The following RHOBTB3 variants were observed in gnomAD, a reference collection of about 807,000 sequenced individuals.
The protein encoded by RHOBTB3 is Rho related BTB domain containing 3.
In RHOBTB3, 47 loss-of-function variants were observed where a neutral mutation model predicts 67.2. The observed-to-expected ratio is 0.70, with a 90% CI of 0.55 to 0.89. The LOEUF is 0.89. Among genes scored for constraint, RHOBTB3 ranks in the 40% least tolerant of loss-of-function variants. RHOBTB3 has a pLI of 0.00. For synonymous variants in RHOBTB3, 273 were observed against 274.2 expected (o/e 1.00, Z 0.04); for missense variants, 631 against 750.0 (o/e 0.84, Z 1.85).
chr5:95,735,957 G>C (rs542488018), intron 2 of RHOBTB3, among the ~76,000 whole-genome samples: 1 of 152,236 alleles, frequency 6.6e-6, no homozygotes, highest in East Asian at 1.9e-4. Flanking sequence ...AAAAAAATTA[G>C]CCGGAATGGT....
intron 11 of RHOBTB3, among the ~76,000 whole-genome samples, chr5:95,791,034 C>A (rs889254094): frequency 6.6e-6 from 1 of 152,226 alleles, no homozygotes; most frequent in Non-Finnish European, 1.5e-5. Context: ...CAGTGCTTTA[C>A]ACCTGGCCCA....
chr5:95,757,524 AG>A (rs1168164814), intron 6 of RHOBTB3, among the ~76,000 whole-genome samples: 6 of 152,248 alleles, frequency 3.9e-5, no homozygotes, highest in African/African-American at 1.4e-4. Flanking sequence ...CATTTCATAC[AG>A]GTAGGGAAAT....
chr5:95,777,856 C>T (rs1009531762), intron 8 of RHOBTB3, among the ~76,000 whole-genome samples: 1 of 152,154 alleles, frequency 6.6e-6, no homozygotes, highest in Non-Finnish European at 1.5e-5. Flanking sequence ...GTGGCTCACG[C>T]CTGTAATGCC....
intron 1 of RHOBTB3, among the ~76,000 whole-genome samples, chr5:95,717,924 G>A (rs1754730754): frequency 6.6e-6 from 1 of 152,172 alleles, no homozygotes; most frequent in African/African-American, 2.4e-5. Flanking sequence ...ATACATTTAT[G>A]TTTTATGCCT....
chr5:95,731,104 G>A (rs983330535), upstream of RHOBTB3: 87 of 1,106,992 alleles, frequency 7.9e-5, 2 homozygotes, highest in Non-Finnish European at 4.7e-5. Flanking sequence ...GGAGCTCTCG[G>A]GCTGGGGCGT....
Position 95,731,620 on chromosome 5 carries a change from C to T in RHOBTB3, c.-63C>T. On this transcript the variant is annotated 5_prime_UTR_variant, in exon 1 of 12. Transcript: ENST00000379982. Reference sequence around the variant, plus strand: ...TGCGGGTGAACTCGCCGCCCGGGGGCCCCGCGAAGCCGTGAGCCGCTGCTT... The same window carrying T: ...TGCGGGTGAACTCGCCGCCCGGGGGTCCCGCGAAGCCGTGAGCCGCTGCTT... 3.7e-6 allele frequency: 6 copies of T among 1,606,068 alleles called. No individual in the cohort carries two copies. Among genetic ancestry groups the T allele is most frequent in the Non-Finnish European group, 8.5e-7 (1 of 1,176,918 alleles).
Position 95,793,218 on chromosome 5 carries a change from G to A in RHOBTB3, c.*44G>A, listed in dbSNP as rs374326541. The A allele has an allele frequency of 7.8e-7, 1 of 1,276,822 alleles. No individual in the cohort carries two copies. The highest frequency in any genetic ancestry group is 1.1e-6 in the Non-Finnish European group (1 of 898,180). 79.1% of individuals were successfully genotyped at this position (1,276,822 alleles called of 1,614,324 possible). ...TACATTTCTTTTTTATTATTATGAA[G>A]AATGGGATACCTCCAGGTTCCAGTA... On this transcript the variant is annotated 3_prime_UTR_variant, in exon 12 of 12. Coordinates refer to ENST00000379982, the MANE Select transcript of RHOBTB3 (RefSeq NM_014899.4).
intron 4 of RHOBTB3, among the ~76,000 whole-genome samples, chr5:95,750,351 C>T (rs913318130): frequency 6.6e-6 from 1 of 152,242 alleles, no homozygotes; most frequent in Non-Finnish European, 1.5e-5. Flanking sequence ...TTGTGCCCAC[C>T]TGGAGCTGGT....
intron 3 of RHOBTB3, among the ~76,000 whole-genome samples, chr5:95,741,502 C>CT (rs5869688): frequency 0.43 from 53,708 of 124,904 alleles, 11,408 homozygotes; most frequent in East Asian, 0.71. Flanking sequence ...TCTCAATTCT[C>CT]TTTTTTTTTT....
At chr5:95,751,348 C>T (rs1745083635) in intron 4 of RHOBTB3, 1 of 151,828 alleles carries the variant, frequency 6.6e-6, no homozygotes, top group South Asian at 2.1e-4. Flanking sequence ...AAGAGAGTAG[C>T]TGCGTGGGAT....
At chr5:95,787,703 A>T (rs1746263998) in intron 10 of RHOBTB3, among the ~76,000 whole-genome samples, 1 of 152,260 alleles carries the variant, frequency 6.6e-6, no homozygotes, top group Admixed American at 6.5e-5. Flanking sequence ...ATCTGCTACA[A>T]CATGGATGAA....
At chr5:95,725,069 C>A (rs1373922328) in intron 1 of RHOBTB3, among the ~76,000 whole-genome samples, 1 of 151,870 alleles carries the variant, frequency 6.6e-6, no homozygotes, top group Non-Finnish European at 1.5e-5. Context: ...ACCTAGCACA[C>A]CCACAAATAT....
chr5:95,724,436 A>T (rs1019075853), intron 1 of RHOBTB3, among the ~76,000 whole-genome samples: 1 of 152,244 alleles, frequency 6.6e-6, no homozygotes, highest in African/African-American at 2.4e-5. Flanking sequence ...GGAGTTAGAA[A>T]ATTCTATAAG....
rs541137250 is a variant in RHOBTB3 at position 95,744,014 on chromosome 5, C to T, written c.416-4319C>T. On this transcript the variant is annotated intron_variant, in intron 3 of 11. Transcript: ENST00000379982. ...ATGAGACAATGCACCTGGCCCCTCT[C>T]CCCCTTCCTTCTTTCCTTCCTTCCT... Among the ~76,000 whole-genome samples the T allele has an allele frequency of 6.0e-5, 9 of 150,376 alleles. No individual in the cohort carries two copies. In the South Asian group the frequency reaches 1.7e-3, roughly 29 times the overall value.
Position 95,737,065 on chromosome 5 carries a change from C to A in RHOBTB3, c.405C>A (p.Thr135=). The A allele has an allele frequency of 6.4e-7, 1 of 1,571,478 alleles. No homozygotes were observed. The highest frequency in any genetic ancestry group is 8.7e-7 in the Non-Finnish European group (1 of 1,145,090). The stretch of plus-strand genomic sequence containing the variant: ...CAGTAATTATTGCTGCTGTTGGTAC[C>A]AGACAAAATGGTAAGTATTTAATAT... ...SVPVIIAAVG[T]RQNEELPCTC... The change falls in exon 3 of 12, where the codon ACC becomes ACA. Residue 135 remains threonine, a synonymous_variant. Coordinates refer to ENST00000379982, the MANE Select transcript of RHOBTB3 (RefSeq NM_014899.4).
intron 10 of RHOBTB3, among the ~76,000 whole-genome samples, chr5:95,787,726 T>A (rs969037362): frequency 2.6e-5 from 4 of 152,208 alleles, no homozygotes; most frequent in Non-Finnish European, 4.4e-5. Context: ...TTGGAAAATA[T>A]TACCCTAAAT....
At chr5:95,734,088 A>G (rs1459662287) in intron 2 of RHOBTB3, among the ~76,000 whole-genome samples, 4 of 152,220 alleles carry the variant, frequency 2.6e-5, no homozygotes, top group Non-Finnish European at 4.4e-5. Flanking sequence ...TAGATGCTCT[A>G]TAAGTGGTAG....
At chr5:95,748,312 T>C in intron 3 of RHOBTB3, 21 bp from the exon 4 acceptor site, 1 of 1,569,910 alleles carries the variant, frequency 6.4e-7, no homozygotes, top group Non-Finnish European at 8.6e-7. Context: ...AAACTCTTTG[T>C]TTTAAAATTT....
At chr5:95,783,734 T>C in intron 9 of RHOBTB3, 63 bp from the exon 10 acceptor site, 2 of 1,359,228 alleles carry the variant, frequency 1.5e-6, no homozygotes, top group South Asian at 2.7e-5. Context: ...TGGTGGGGGG[T>C]GTTTAGATCA....
Sources: allele counts gnomAD v4.1 joint callset (sites outside exome capture counted in the v4.1 genomes callset), GRCh38; gene constraint gnomAD v4.1.1; transcripts MANE v1.5; gene names NCBI Gene and HGNC (gene_info 2026-07-23, HGNC 2026-07-21).